Variants in PCNT observed in about 807,000 individuals in gnomAD.
PCNT encodes the protein kendrin.
Under a neutral mutation model 380.4 loss-of-function variants are expected in PCNT, and 319 were observed. The ratio of observed to expected loss-of-function variants is 0.84; its 90% CI spans 0.77 to 0.92. The LOEUF is 0.92. Among genes scored for constraint, PCNT ranks in the 40% least tolerant of loss-of-function variants. PCNT has a pLI of 0.00. For synonymous variants in PCNT, 1,845 were observed against 1,735.2 expected, an observed-to-expected ratio of 1.06 and a Z score of -1.57; for missense variants, 4,400 against 4,255.3, an observed-to-expected ratio of 1.03 and a Z score of -0.95.
In PCNT at chr21:46,357,029, A is replaced by G. The variant is rs774889433; in HGVS notation, c.1992A>G (p.Thr664=). Residue 664 remains threonine (T), a synonymous_variant, in exon 13 of 47, where the codon ACA becomes ACG. Coordinates refer to ENST00000359568, the MANE Select transcript of PCNT (RefSeq NM_006031.6). ...GVQDGDLEAD[T]ERAARVLGLE... Reference sequence around the variant, plus strand: ...AGGACGGGGACTTGGAGGCCGACACAGAGCGGGCAGCCAGAGTCTTGGGTC... The same window carrying G: ...AGGACGGGGACTTGGAGGCCGACACGGAGCGGGCAGCCAGAGTCTTGGGTC... 6.2e-7 allele frequency: 1 copy of G among 1,614,264 alleles called. No homozygotes were observed. Among genetic ancestry groups the G allele is most frequent in the Non-Finnish European group, 8.5e-7 (1 of 1,180,056 alleles).
chr21:46,389,058 T>C, intron 18 of PCNT, 141 bp from the exon 19 acceptor site: 1 of 1,275,830 alleles, frequency 7.8e-7, no homozygotes, highest in Non-Finnish European at 1.1e-6. Context: ...GCTAAATTTG[T>C]CAGCTCCCGT....
chr21:46,401,218 A>G (rs2086416070), intron 25 of PCNT, among the ~76,000 whole-genome samples: 2 of 152,372 alleles, frequency 1.3e-5, no homozygotes, highest in African/African-American at 4.8e-5. Flanking sequence ...TGAGCATACC[A>G]TCAGCCATTG....
chr21:46,353,963 T>G, intron 10 of PCNT, 24 bp from the exon 11 acceptor site: 1 of 1,604,270 alleles, frequency 6.2e-7, no homozygotes, highest in Non-Finnish European at 8.5e-7. Flanking sequence ...TGTGTAAAGC[T>G]TTTATAAAAT....
chr21:46,438,470 G>A, intron 41 of PCNT, 133 bp downstream of exon 41: 2 of 771,608 alleles, frequency 2.6e-6, no homozygotes, highest in Non-Finnish European at 2.3e-6. Context: ...TAACCGCCAG[G>A]CTCTGTTGCC....
intron 15 of PCNT, among the ~76,000 whole-genome samples, chr21:46,378,876 A>G (rs906872487): frequency 2.0e-5 from 3 of 152,036 alleles, no homozygotes; most frequent in African/African-American, 7.2e-5. Flanking sequence ...ACATCTTTCT[A>G]TCTTTTTGTG....
chr21:46,419,584 C>T (rs1018562264), intron 31 of PCNT, among the ~76,000 whole-genome samples: 7 of 152,198 alleles, frequency 4.6e-5, no homozygotes, highest in Non-Finnish European at 8.8e-5. Flanking sequence ...GCGTCCCCCT[C>T]GAGCCACTTT....
rs1337355437 is a variant in PCNT at position 46,411,691 on chromosome 21, G to T, written c.5618G>T (p.Arg1873Ile). The change falls in exon 28 of 47, where the codon AGA becomes ATA. Residue 1873 changes from arginine (R) to isoleucine (I), a missense_variant. Coordinates refer to ENST00000359568, the MANE Select transcript of PCNT (RefSeq NM_006031.6). ...LKAKEATIAE[R>I]NLEIDALNQR... ...GCAAAGGAAGCGACGATTGCCGAGA[G>T]AAATTTAGAAATCGACGCTCTGAAC... 6.2e-7 allele frequency: 1 copy of T among 1,612,762 alleles called. No homozygotes were observed. The highest frequency in any genetic ancestry group is 8.5e-7 in the Non-Finnish European group (1 of 1,179,850).
At position 46,435,752 on chromosome 21, in the gene PCNT, C is replaced by T. The variant is rs139875927; in HGVS notation, c.8752-152C>T. The T allele has an allele frequency of 2.4e-5, 19 of 799,148 alleles. No homozygotes were observed. The African/African-American group carries it at 3.1e-4, about 13-fold the overall frequency. The allele number at this position is 799,148 out of a possible 1,614,324, so 49.5% of individuals were successfully genotyped here. A position where few individuals can be genotyped will look rare whatever the true frequency, so the allele number is the denominator to read the frequency against. ...AGAGGTGGGGTTTCACTGTGTTGGC[C>T]AGCATGGTCTCAATCTCCTGACCTC... On this transcript the variant is annotated intron_variant, in intron 38 of 46. Transcript: ENST00000359568.
At chr21:46,380,623 T>C (rs1418276951) in intron 15 of PCNT, among the ~76,000 whole-genome samples, 3 of 152,000 alleles carry the variant, frequency 2.0e-5, no homozygotes, top group African/African-American at 7.3e-5. Context: ...GGCTGTTAGA[T>C]TGGAGAGGAG....
At chr21:46,432,369 A>G (rs2087806587) in intron 38 of PCNT, among the ~76,000 whole-genome samples, 154 bp downstream of exon 38, 1 of 152,226 alleles carries the variant, frequency 6.6e-6, no homozygotes, top group African/African-American at 2.4e-5. Context: ...CACTGCTGTT[A>G]CTGTAGCTTT....
chr21:46,352,835 C>T (rs568785121), intron 9 of PCNT, among the ~76,000 whole-genome samples: 6 of 152,252 alleles, frequency 3.9e-5, no homozygotes, highest in Non-Finnish European at 8.8e-5. Flanking sequence ...TCGTCTGTCT[C>T]CTTGCTGGCT....
At chr21:46,423,779 GA>G (rs2087364312) in intron 32 of PCNT, among the ~76,000 whole-genome samples, 1 of 88,938 alleles carries the variant, frequency 1.1e-5, no homozygotes, top group Non-Finnish European at 2.2e-5. Flanking sequence ...GGGGGATGAG[GA>G]GGGGGAGGGG....
At chr21:46,371,955 A>G (rs1223888321) in intron 15 of PCNT, among the ~76,000 whole-genome samples, 1 of 146,188 alleles carries the variant, frequency 6.8e-6, no homozygotes, top group Non-Finnish European at 1.5e-5. Context: ...TGTGCGCACA[A>G]ACAGCACATA....
At chr21:46,434,731 G>A (rs1024927234) in intron 38 of PCNT, among the ~76,000 whole-genome samples, 13 of 152,248 alleles carry the variant, frequency 8.5e-5, no homozygotes, top group African/African-American at 2.4e-4. Flanking sequence ...TAGGAGCTCA[G>A]GCCCACGTGG....
Position 46,389,217 on chromosome 21 carries a change from C to T in PCNT, c.3626C>T (p.Thr1209Ile), listed in dbSNP as rs772421309. ...CTTGTAGCTCCGGCGCTGGAGGAGACATGGTCTGATGTGGCCCTCCCGGAG... is the reference window on the plus strand; with the variant it reads ...CTTGTAGCTCCGGCGCTGGAGGAGATATGGTCTGATGTGGCCCTCCCGGAG... ...ALSTAPALEETWSDVALPELD... is the reference protein window; with the variant it reads ...ALSTAPALEEIWSDVALPELD... Residue 1209 changes from threonine (T) to isoleucine (I), a missense_variant, in exon 19 of 47, where the codon ACA becomes ATA. Coordinates refer to ENST00000359568, the MANE Select transcript of PCNT (RefSeq NM_006031.6). 25 of 1,613,888 alleles carry T rather than the reference C, an allele frequency of 1.5e-5. No homozygotes were observed. The highest frequency in any genetic ancestry group is 2.1e-5 in the Non-Finnish European group (25 of 1,179,926).
chr21:46,389,157 T>G (rs375050635), intron 18 of PCNT, 42 bp from the exon 19 acceptor site: 57 of 1,583,566 alleles, frequency 3.6e-5, no homozygotes, highest in Non-Finnish European at 4.6e-5. Context: ...GCGGCCGGCT[T>G]GCTCACTGAG....
intron 16 of PCNT, among the ~76,000 whole-genome samples, chr21:46,383,400 C>A (rs1169771535): frequency 6.9e-6 from 1 of 145,686 alleles, no homozygotes; most frequent in Non-Finnish European, 1.5e-5. Context: ...GACGGAAGCG[C>A]ATTCACGGTG....
At chr21:46,398,993 G>A (rs1227375097) in intron 24 of PCNT, among the ~76,000 whole-genome samples, 1 of 151,716 alleles carries the variant, frequency 6.6e-6, no homozygotes, top group Non-Finnish European at 1.5e-5. Context: ...CTAATTTTTT[G>A]TATTTTTAGT....
chr21:46,390,499 A>G (rs1356623460), intron 19 of PCNT, among the ~76,000 whole-genome samples, 171 bp from the exon 20 acceptor site: 1 of 150,980 alleles, frequency 6.6e-6, no homozygotes, highest in Non-Finnish European at 1.5e-5. Context: ...CTGTGGCCAC[A>G]GTGTCTCGGA....
Sources: allele counts gnomAD v4.1 joint callset (sites outside exome capture counted in the v4.1 genomes callset), GRCh38; gene constraint gnomAD v4.1.1; transcripts MANE v1.5; gene names NCBI Gene and HGNC (gene_info 2026-07-23, HGNC 2026-07-21).